The following MCF2L2 variants were observed in gnomAD, a reference collection of about 807,000 sequenced individuals.
MCF2L2 encodes MCF.2 cell line derived transforming sequence-like 2.
MCF2L2 carries 102 observed loss-of-function variants against 150.2 expected under a neutral mutation model. The ratio of observed to expected loss-of-function variants is 0.68; its 90% CI spans 0.58 to 0.80. The LOEUF (loss-of-function observed/expected upper bound fraction) is 0.80. MCF2L2 is among the 30% of genes least tolerant of loss of function. The pLI, the probability that MCF2L2 is intolerant of heterozygous loss-of-function variation, is 0.00. For synonymous variants in MCF2L2, 465 were observed against 491.3 expected, an observed-to-expected ratio of 0.95 and a Z score of 0.71; for missense variants, 1,256 against 1,372.8, an observed-to-expected ratio of 0.91 and a Z score of 1.34.
chr3:183,389,413 GTC>G (rs1203874371), intron 2 of MCF2L2, among the ~76,000 whole-genome samples: 2 of 152,154 alleles, frequency 1.3e-5, no homozygotes, highest in African/African-American at 4.8e-5. Flanking sequence ...GTCAGTAGTT[GTC>G]TCTTTTTCTT....
In MCF2L2 at chr3:183,179,278, C is replaced by T. The variant is rs1419267644; in HGVS notation, c.*102G>A. The T allele has an allele frequency of 6.7e-6, 9 of 1,341,964 alleles. No homozygotes were observed. The South Asian group carries it at 1.5e-4, about 22-fold the overall frequency. 83.1% of individuals were successfully genotyped at this position (1,341,964 alleles called of 1,614,324 possible). ...CCCCTTTCTGCCGCCGCCGAGGCTCCGGCTGCTTTCTGCGTAGCTGGGCAG... is the reference window on the plus strand; with the variant it reads ...CCCCTTTCTGCCGCCGCCGAGGCTCTGGCTGCTTTCTGCGTAGCTGGGCAG... On this transcript the variant is annotated 3_prime_UTR_variant, in exon 30 of 30. Coordinates refer to ENST00000328913, the MANE Select transcript of MCF2L2 (RefSeq NM_015078.4). The surrounding 1 kb of genome is among the most constrained non-coding windows in gnomAD (Gnocchi z 4.2).
intron 3 of MCF2L2, among the ~76,000 whole-genome samples, chr3:183,361,117 G>GAAAAGA (rs1712171605): frequency 1.2e-5 from 1 of 83,344 alleles, no homozygotes; most frequent in African/African-American, 1.4e-4. Context: ...AAAGAAAAAA[G>GAAAAGA]AAAAAGAAAA....
intron 3 of MCF2L2, chr3:183,378,048 G>GA (rs1402902287): frequency 1.3e-5 from 2 of 152,180 alleles, no homozygotes; most frequent in African/African-American, 4.8e-5. Context: ...AGGTGTAAAA[G>GA]AAAAAACATA....
At chr3:183,411,417 G>A (rs777994491) in intron 1 of MCF2L2, among the ~76,000 whole-genome samples, 1 of 152,160 alleles carries the variant, frequency 6.6e-6, no homozygotes, top group African/African-American at 2.4e-5. Flanking sequence ...TGGGCTCAGA[G>A]GCCCTCTGGC....
chr3:183,289,362 G>T, intron 13 of MCF2L2, 142 bp from the exon 14 acceptor site: 2 of 604,808 alleles, frequency 3.3e-6, no homozygotes, highest in South Asian at 2.1e-5. Context: ...GATTTCCTAG[G>T]GCTGGATGAA....
chr3:183,329,273 T>C (rs1730172200), intron 5 of MCF2L2, among the ~76,000 whole-genome samples: 1 of 152,206 alleles, frequency 6.6e-6, no homozygotes, highest in Non-Finnish European at 1.5e-5. Flanking sequence ...CTCGGCTCAC[T>C]GCAACCTCTG....
chr3:183,191,966 G>A (rs1238299665), intron 27 of MCF2L2, among the ~76,000 whole-genome samples: 7 of 149,324 alleles, frequency 4.7e-5, no homozygotes, highest in South Asian at 2.1e-4. Flanking sequence ...TCAGCCTCCC[G>A]AGTAGCTGGG....
chr3:183,389,913 C>T, intron 1 of MCF2L2, 134 bp from the exon 2 acceptor site: 1 of 672,218 alleles, frequency 1.5e-6, no homozygotes, highest in Non-Finnish European at 2.6e-6. Context: ...ACAACATTCC[C>T]TTGAGAACTT....
chr3:183,335,138 A>G (rs1184786567), intron 5 of MCF2L2, among the ~76,000 whole-genome samples: 1 of 151,750 alleles, frequency 6.6e-6, no homozygotes, highest in African/African-American at 2.4e-5. Flanking sequence ...AAGAAAAAGA[A>G]AAAAGACAAA....
chr3:183,202,473 C>T (rs186289085), intron 25 of MCF2L2, among the ~76,000 whole-genome samples: 230 of 152,334 alleles, frequency 1.5e-3, no homozygotes, highest in African/African-American at 4.8e-3. Flanking sequence ...GAAGGCCCCA[C>T]GATCTTACCT....
intron 27 of MCF2L2, chr3:183,182,776 C>T (rs1721573326): frequency 6.6e-6 from 1 of 152,216 alleles, no homozygotes; most frequent in Non-Finnish European, 1.5e-5. Flanking sequence ...ACCAGAAAAC[C>T]TTAGAGAGCA....
At chr3:183,313,453 C>A (rs1252733864) in intron 7 of MCF2L2, among the ~76,000 whole-genome samples, 1 of 152,134 alleles carries the variant, frequency 6.6e-6, no homozygotes, top group Non-Finnish European at 1.5e-5. Flanking sequence ...CACTATATAT[C>A]CCCTTTACAC....
In MCF2L2 at chr3:183,219,821, T is replaced by C. The variant is rs762902140; in HGVS notation, c.2370+35A>G. 7 of 1,366,314 alleles carry C rather than the reference T, an allele frequency of 5.1e-6. No homozygotes were observed. In the Admixed American group the frequency reaches 1.2e-4, roughly 23 times the overall value. The allele number at this position is 1,366,314 out of a possible 1,614,324, so 84.6% of individuals were successfully genotyped here. ...CCCATAGACAAACACCATTAATAGTTAGTTATATAAAATGTAATATTTAAT... is the reference window on the plus strand; with the variant it reads ...CCCATAGACAAACACCATTAATAGTCAGTTATATAAAATGTAATATTTAAT... On this transcript the variant is annotated intron_variant, in intron 21 of 29. Coordinates refer to ENST00000328913, the MANE Select transcript of MCF2L2 (RefSeq NM_015078.4).
At chr3:183,276,673 T>A (rs1560397219) in intron 15 of MCF2L2, 199 bp downstream of exon 15, 3 of 447,944 alleles carry the variant, frequency 6.7e-6, no homozygotes, top group Non-Finnish European at 1.2e-5. Flanking sequence ...TTCTAAGATG[T>A]CACTTTAAGC....
At chr3:183,426,916 T>C (rs1352152604) in intron 1 of MCF2L2, among the ~76,000 whole-genome samples, 1 of 152,264 alleles carries the variant, frequency 6.6e-6, no homozygotes, top group Non-Finnish European at 1.5e-5. Flanking sequence ...TGTGCACGAT[T>C]ATTACAGCAA....
intron 2 of MCF2L2, among the ~76,000 whole-genome samples, chr3:183,389,067 A>G (rs1713999966): frequency 6.6e-6 from 1 of 152,204 alleles, no homozygotes; most frequent in African/African-American, 2.4e-5. Context: ...TCTAACCATA[A>G]TTTGGGGTTT....
intron 2 of MCF2L2, among the ~76,000 whole-genome samples, chr3:183,382,079 G>T (rs1577109186): frequency 8.3e-6 from 1 of 121,014 alleles, no homozygotes; most frequent in African/African-American, 2.7e-5. Flanking sequence ...ATTATTATTA[G>T]ATGGAATCTC....
chr3:183,260,475 T>C (rs996925179), intron 15 of MCF2L2, among the ~76,000 whole-genome samples: 1 of 152,234 alleles, frequency 6.6e-6, no homozygotes, highest in African/African-American at 2.4e-5. Flanking sequence ...TTGACCTCTC[T>C]GAGACCTCCT....
At chr3:183,257,108 CACAA>C (rs1389590611) in intron 15 of MCF2L2, among the ~76,000 whole-genome samples, 2 of 152,132 alleles carry the variant, frequency 1.3e-5, no homozygotes, top group South Asian at 2.1e-4. Context: ...GGTAAAGCTA[CACAA>C]ACAGATTCTA....
Sources: allele counts gnomAD v4.1 joint callset (sites outside exome capture counted in the v4.1 genomes callset), GRCh38; gene constraint gnomAD v4.1.1; non-coding constraint Gnocchi (gnomAD v3.1); transcripts MANE v1.5; gene names NCBI Gene and HGNC (gene_info 2026-07-23, HGNC 2026-07-21).